Variants in CD46 observed in about 807,000 individuals in gnomAD.
The protein encoded by CD46 is CD46 molecule, also known as membrane cofactor protein.
A neutral mutation model predicts 53.3 loss-of-function variants in CD46; 30 were observed. The ratio of observed to expected loss-of-function variants is 0.56; its 90% confidence interval spans 0.42 to 0.76. CD46 has a LOEUF of 0.76. Among genes scored for constraint, CD46 ranks in the 30% least tolerant of loss-of-function variants. CD46 has a pLI of 0.00. For synonymous variants in CD46, 142 were observed against 152.0 expected (o/e 0.93, Z 0.48); for missense variants, 409 against 463.0 (o/e 0.88, Z 1.07).
intron 8 of CD46, among the ~76,000 whole-genome samples, chr1:207,777,360 G>A (rs1658226190): frequency 6.6e-6 from 1 of 151,814 alleles, no homozygotes; most frequent in Non-Finnish European, 1.5e-5. Context: ...TTTTAGATTT[G>A]GGGGTACAGG....
chr1:207,782,360 A>T (rs1658827309), intron 8 of CD46, among the ~76,000 whole-genome samples: 1 of 152,148 alleles, frequency 6.6e-6, no homozygotes, highest in Non-Finnish European at 1.5e-5. Context: ...TAAATAAAAG[A>T]TCATGTCATC....
chr1:207,764,787 A>G (rs1217495238), intron 5 of CD46, among the ~76,000 whole-genome samples: 2 of 152,238 alleles, frequency 1.3e-5, no homozygotes, highest in Admixed American at 1.3e-4. Context: ...GAATACTCCT[A>G]TATCTACCAA....
At chr1:207,783,413 A>C in intron 9 of CD46, 83 bp downstream of exon 9, 1 of 814,660 alleles carries the variant, frequency 1.2e-6, no homozygotes, top group Admixed American at 1.7e-5. Context: ...GTGCCCAAAC[A>C]TAGGATCCTT....
intron 7 of CD46, chr1:207,770,107 A>G (rs1026791365): frequency 1.8e-6 from 1 of 541,480 alleles, no homozygotes; most frequent in Non-Finnish European, 3.4e-6. Context: ...GATTTCCATT[A>G]TAAAATACAG....
intron 12 of CD46, 23 bp from the exon 13 acceptor site, chr1:207,793,496 G>T: frequency 6.4e-7 from 1 of 1,571,770 alleles, no homozygotes; most frequent in South Asian, 1.1e-5. Flanking sequence ...TCTTTGACAT[G>T]ATCTTTATAC....
intron 8 of CD46, among the ~76,000 whole-genome samples, chr1:207,775,295 G>A (rs1657977097): frequency 1.3e-5 from 2 of 152,138 alleles, no homozygotes; most frequent in East Asian, 1.9e-4. Context: ...CTTTTTTCAA[G>A]GTTTTTACCT....
upstream of CD46, chr1:207,752,043 C>G (rs567332598): frequency 4.8e-5 from 36 of 744,472 alleles, no homozygotes; most frequent in South Asian, 5.3e-4. This position sits in a 1 kb window ranked among gnomAD's most constrained non-coding sequence, Gnocchi z 4.1. Flanking sequence ...CGACGCACTT[C>G]CGCCCCGGGC....
intron 8 of CD46, among the ~76,000 whole-genome samples, chr1:207,776,788 C>A (rs1276210611): frequency 6.6e-6 from 1 of 152,134 alleles, no homozygotes; most frequent in Non-Finnish European, 1.5e-5. Flanking sequence ...GCCACCACAC[C>A]CAGCTATTTT....
chr1:207,767,350 ATG>A, intron 6 of CD46, 155 bp downstream of exon 6: 1 of 771,006 alleles, frequency 1.3e-6, no homozygotes, highest in Non-Finnish European at 2.2e-6. Context: ...TCTATGCCAG[ATG>A]AATGACACGA....
intron 2 of CD46, 71 bp from the exon 3 acceptor site, chr1:207,757,469 G>C: frequency 1.0e-6 from 1 of 996,542 alleles, no homozygotes; most frequent in Non-Finnish European, 1.6e-6. Flanking sequence ...AAAGAGCACT[G>C]CAGAATTTTG....
chr1:207,767,123 C>A lies in CD46; in HGVS notation c.784C>A (p.Leu262Ile), dbSNP rs761897540. The stretch of plus-strand genomic sequence containing the variant: ...GTTTGAATGCGATAAGGGTTTTTAC[C>A]TCGATGGCAGCGACACAATTGTCTG... ...VMFECDKGFY[L>I]DGSDTIVCDS... Residue 262 changes from leucine (L) to isoleucine (I), a missense_variant, in exon 6 of 13, where the codon CTC (leucine) becomes ATC (isoleucine). Physicochemically the swap from Leu to Ile is conservative, Grantham distance 5. Transcript: ENST00000367042. 2 of 1,613,810 alleles carry A rather than the reference C, an allele frequency of 1.2e-6. No homozygotes were observed. Among genetic ancestry groups the A allele is most frequent in the Non-Finnish European group, 8.5e-7 (1 of 1,179,760 alleles).
chr1:207,760,359 A>ACAATATG lies in CD46; in HGVS notation c.475+636_475+642dup, dbSNP rs1422076207. 4 of 152,486 alleles carry ACAATATG rather than the reference A, an allele frequency of 2.6e-5. No individual in the cohort carries two copies. The East Asian group carries it at 5.8e-4, about 22-fold the overall frequency. The allele number at this position is 152,486 out of a possible 1,614,324, so 9.4% of individuals were successfully genotyped here. On this transcript the variant is annotated intron_variant, in intron 4 of 12. Transcript: ENST00000367042. Reference sequence around the variant, plus strand: ...TGTATTTGGCCTGTTGTGTTATCACACAATATGTAGCCTTTGGAAAAATAT... The same window carrying ACAATATG: ...TGTATTTGGCCTGTTGTGTTATCACACAATATGCAATATGTAGCCTTTGGAAAAATAT...
At chr1:207,755,016 G>T (rs933533955) in intron 1 of CD46, among the ~76,000 whole-genome samples, 1 of 151,464 alleles carries the variant, frequency 6.6e-6, no homozygotes, top group Non-Finnish European at 1.5e-5. Context: ...AGCTACTTGG[G>T]AGACTGAAGG....
At chr1:207,762,493 A>G (rs1382568966) in intron 5 of CD46, 1 of 152,236 alleles carries the variant, frequency 6.6e-6, no homozygotes, top group Non-Finnish European at 1.5e-5. Flanking sequence ...CTTGGAGATC[A>G]ATAAAGTGTG....
At position 207,754,131 on chromosome 1, in the gene CD46, A is replaced by G. The variant is rs537563337; in HGVS notation, c.97+1822A>G. 6.8e-4 allele frequency among the ~76,000 whole-genome samples: 103 copies of G among 152,352 alleles called. 2 individuals carry two copies. The highest frequency in any genetic ancestry group is 6.8e-3 in the Middle Eastern group (2 of 294). On this transcript the variant is annotated intron_variant, in intron 1 of 12. Transcript: ENST00000367042. ...TCCAAAACATAATAGTGACAAATAA[A>G]TTATGAACCAAGGGAAGTGCTCTGG... is the stretch of plus-strand genomic sequence containing the variant.
chr1:207,791,391 G>T (rs1253989962), intron 12 of CD46, among the ~76,000 whole-genome samples: 1 of 152,170 alleles, frequency 6.6e-6, no homozygotes, highest in Non-Finnish European at 1.5e-5. Flanking sequence ...CTACTCTTGT[G>T]CTCTGAGGCC....
chr1:207,767,876 AT>A, intron 7 of CD46, 53 bp downstream of exon 7: 1 of 1,370,562 alleles, frequency 7.3e-7, no homozygotes. Context: ...ATTCCTGGTG[AT>A]TTTTTATAAA....
intron 12 of CD46, among the ~76,000 whole-genome samples, chr1:207,791,502 CA>C (rs1659796522): frequency 6.6e-6 from 1 of 152,192 alleles, no homozygotes; most frequent in African/African-American, 2.4e-5. Flanking sequence ...ATAGTGTCCA[CA>C]GCATGGGTAT....
chr1:207,764,348 G>T (rs950356009), intron 5 of CD46, among the ~76,000 whole-genome samples: 1 of 152,196 alleles, frequency 6.6e-6, no homozygotes, highest in Non-Finnish European at 1.5e-5. Flanking sequence ...TTTAAGTCTA[G>T]AATGAAAGAA....
Sources: gnomAD v4.1 joint callset for allele counts (sites outside exome capture counted in the v4.1 genomes callset) on GRCh38, gnomAD v4.1.1 for gene constraint, Gnocchi (gnomAD v3.1) non-coding constraint, MANE v1.5 for transcripts, NCBI Gene and HGNC (gene_info 2026-07-23, HGNC 2026-07-21) for gene names.